The following IL6R variants were observed in gnomAD, a reference collection of about 807,000 sequenced individuals.
IL6R encodes the protein interleukin 6 receptor, also known as interleukin-6 receptor subunit alpha.
A neutral mutation model predicts 48.3 loss-of-function variants in IL6R; 38 were observed. The ratio of observed to expected loss-of-function variants is 0.79; its 90% CI spans 0.61 to 1.03. The LOEUF is 1.03. Ranked by LOEUF, IL6R falls within the 50% of genes least tolerant of loss-of-function variation. The probability of loss-of-function intolerance (pLI) is 0.00; values close to 1 mark genes in which losing one functional copy is unlikely to be tolerated. For synonymous variants in IL6R, 264 were observed against 256.2 expected (o/e 1.03, Z -0.29); for missense variants, 534 against 618.3 (o/e 0.86, Z 1.45).
intron 3 of IL6R, among the ~76,000 whole-genome samples, chr1:154,432,325 G>T (rs967428117): frequency 3.3e-5 from 5 of 151,906 alleles, no homozygotes; most frequent in Admixed American, 1.3e-4. Context: ...CCTGTGGAAA[G>T]CTCTGTCATT....
intron 7 of IL6R, among the ~76,000 whole-genome samples, chr1:154,449,615 G>A (rs551267505): frequency 5.9e-5 from 9 of 152,312 alleles, no homozygotes; most frequent in African/African-American, 1.7e-4. Flanking sequence ...TCCTTGCATC[G>A]GACCTGTAAG....
rs57565479 is a variant in IL6R, at chr1:154,448,041, CT to C, written c.950-75del. 9.0e-3 allele frequency: 10,240 copies of C among 1,133,804 alleles called. 57 individuals carry two copies. The highest frequency in any genetic ancestry group is 0.019 in the African/African-American group (1,254 of 64,672). 70.2% of individuals were successfully genotyped at this position (1,133,804 alleles called of 1,614,324 possible). A position where few individuals can be genotyped will look rare whatever the true frequency, so the allele number is the denominator to read the frequency against. ...TTCTTTTAAATAACATTGAGATGAACTTTTTTTTTCTGATGCTGAAGCCCCT... is the reference window on the plus strand; with the variant it reads ...TTCTTTTAAATAACATTGAGATGAACTTTTTTTTCTGATGCTGAAGCCCCT... On this transcript the variant is annotated intron_variant, in intron 6 of 9. Coordinates refer to ENST00000368485, the MANE Select transcript of IL6R (RefSeq NM_000565.4).
In IL6R at chr1:154,420,051, C is replaced by A. The variant is rs796445430; in HGVS notation, c.86-9145C>A. Among the ~76,000 whole-genome samples, 8 of 151,988 alleles carry A rather than the reference C, an allele frequency of 5.3e-5. 1 individual carries two copies. Among genetic ancestry groups the A allele is most frequent in the African/African-American group, 1.9e-4 (8 of 41,434 alleles). On this transcript the variant is annotated intron_variant, in intron 1 of 9. Coordinates refer to ENST00000368485, the MANE Select transcript of IL6R (RefSeq NM_000565.4). ...GCTTGCTTGTTGGGAGTTACTAGGA[C>A]CTAAACTCTCTTTCCCTTGAGGAAT...
At chr1:154,433,711 C>G (rs1401954038) in intron 3 of IL6R, among the ~76,000 whole-genome samples, 1 of 147,116 alleles carries the variant, frequency 6.8e-6, no homozygotes, top group Non-Finnish European at 1.5e-5. Context: ...TTCCTCATCT[C>G]TAGATTTTAC....
chr1:154,448,085 C>A (rs552920163), intron 6 of IL6R, 40 bp from the exon 7 acceptor site: 8 of 1,553,250 alleles, frequency 5.2e-6, no homozygotes, highest in African/African-American at 4.1e-5. Flanking sequence ...GACTCCAGGG[C>A]CCATGAATCA....
At chr1:154,455,455 C>CTTTTCT (rs1690816643) in intron 9 of IL6R, among the ~76,000 whole-genome samples, 1 of 128,432 alleles carries the variant, frequency 7.8e-6, no homozygotes, top group African/African-American at 3.0e-5. Context: ...CTTTTCTTTT[C>CTTTTCT]TTTTTTTTTT....
At chr1:154,454,419 TCTC>T (rs765865026) in intron 8 of IL6R, 66 bp from the exon 9 acceptor site, 239 of 1,029,904 alleles carry the variant, frequency 2.3e-4, no homozygotes, top group East Asian at 1.1e-3. Context: ...GTGGTTTTCT[TCTC>T]CTCCTATTCC....
At chr1:154,418,431 A>G (rs1688474541) in intron 1 of IL6R, 1 of 983,222 alleles carries the variant, frequency 1.0e-6, no homozygotes, top group Non-Finnish European at 1.2e-6. Context: ...GGCAAGGCCA[A>G]GGTAAATACT....
intron 6 of IL6R, among the ~76,000 whole-genome samples, chr1:154,447,435 T>G (rs1690288724): frequency 2.6e-5 from 1 of 37,928 alleles, no homozygotes; most frequent in Non-Finnish European, 4.8e-5. Context: ...TGAAACTCCA[T>G]CTCAAAAAAA....
intron 6 of IL6R, among the ~76,000 whole-genome samples, chr1:154,436,601 T>A (rs1265203878): frequency 6.6e-6 from 1 of 152,170 alleles, no homozygotes; most frequent in Non-Finnish European, 1.5e-5. Flanking sequence ...TGCCATCAGA[T>A]TGGGATGGTC....
intron 1 of IL6R, among the ~76,000 whole-genome samples, chr1:154,424,992 C>T (rs890377323): frequency 1.3e-5 from 2 of 152,128 alleles, no homozygotes; most frequent in Admixed American, 6.5e-5. Context: ...GCAGGGGGTA[C>T]GTGACTGGGG....
chr1:154,426,919 A>ATT (rs397825571), intron 1 of IL6R, among the ~76,000 whole-genome samples: 63 of 143,102 alleles, frequency 4.4e-4, no homozygotes, highest in East Asian at 6.2e-4. Context: ...GGGACTCAGA[A>ATT]TTTTTTTTTT....
intron 1 of IL6R, among the ~76,000 whole-genome samples, chr1:154,411,726 G>A (rs534858425): frequency 2.0e-5 from 3 of 152,178 alleles, no homozygotes; most frequent in Admixed American, 1.3e-4. Flanking sequence ...TTTGAGGCCG[G>A]ATGTGGTGTA....
At chr1:154,453,198 T>C (rs1690682412) in intron 8 of IL6R, among the ~76,000 whole-genome samples, 1 of 151,874 alleles carries the variant, frequency 6.6e-6, no homozygotes, top group African/African-American at 2.4e-5. Flanking sequence ...AGAGCGAGAC[T>C]CCATTTCAAA....
intron 1 of IL6R, among the ~76,000 whole-genome samples, chr1:154,409,784 G>A (rs1378860491): frequency 6.6e-6 from 1 of 152,128 alleles, no homozygotes; most frequent in African/African-American, 2.4e-5. Context: ...ACTATTAACA[G>A]GATGTAAATT....
chr1:154,434,585 C>T lies in IL6R; in HGVS notation c.525C>T (p.Ser175=). ...ATTCCCAGGAGTCCCAGAAGTTCTC[C>T]TGCCAGTTAGCAGTCCCGGAGGGAG... is the stretch of plus-strand genomic sequence containing the variant. The part of the protein sequence containing the change: ...CQYSQESQKF[S]CQLAVPEGDS... Residue 175 remains serine (S), a synonymous_variant, in exon 4 of 10, where the codon TCC becomes TCT. Coordinates refer to ENST00000368485, the MANE Select transcript of IL6R (RefSeq NM_000565.4). The T allele has an allele frequency of 6.2e-7, 1 of 1,614,152 alleles. No individual in the cohort carries two copies. Among genetic ancestry groups the T allele is most frequent in the Non-Finnish European group, 8.5e-7 (1 of 1,180,028 alleles).
At chr1:154,432,521 C>T (rs1038096309) in intron 3 of IL6R, among the ~76,000 whole-genome samples, 1 of 152,058 alleles carries the variant, frequency 6.6e-6, no homozygotes, top group African/African-American at 2.4e-5. Context: ...CCACGCCTGG[C>T]TAATCTTTGT....
chr1:154,429,361 G>A lies in IL6R; in HGVS notation c.251G>A (p.Arg84Lys). ...WAGMGRRLLL[R>K]SVQLHDSGNY... The stretch of plus-strand genomic sequence containing the variant: ...GGCATGGGAAGGAGGCTGCTGCTGA[G>A]GTCGGTGCAGCTCCACGACTCTGGA... The change falls in exon 2 of 10, where the codon AGG becomes AAG. Residue 84 changes from arginine to lysine, a missense_variant. By Grantham distance (26) the Arg-to-Lys change is conservative (BLOSUM62 2). Coordinates refer to ENST00000368485, the MANE Select transcript of IL6R (RefSeq NM_000565.4). 2 of 1,614,152 alleles carry A rather than the reference G, an allele frequency of 1.2e-6. No homozygotes were observed. Among genetic ancestry groups the A allele is most frequent in the Non-Finnish European group, 8.5e-7 (1 of 1,180,018 alleles).
At chr1:154,429,130 C>G in intron 1 of IL6R, 66 bp from the exon 2 acceptor site, 1 of 1,549,646 alleles carries the variant, frequency 6.5e-7, no homozygotes. Flanking sequence ...GTGGCTTCCT[C>G]AGACCAGAAC....
Sources: allele counts gnomAD v4.1 joint callset (sites outside exome capture counted in the v4.1 genomes callset), GRCh38; gene constraint gnomAD v4.1.1; transcripts MANE v1.5; gene names NCBI Gene and HGNC (gene_info 2026-07-23, HGNC 2026-07-21).